The following SHROOM3 variants were observed in gnomAD, a reference collection of about 807,000 sequenced individuals.
SHROOM3 encodes protein Shroom3.
In SHROOM3, 47 loss-of-function variants were observed where a neutral mutation model predicts 138.6. The observed-to-expected ratio is 0.34, with a 90% confidence interval of 0.27 to 0.43. The LOEUF (loss-of-function observed/expected upper bound fraction) is 0.43, where lower values mean the gene tolerates loss of function less well. SHROOM3 is among the 20% of genes least tolerant of loss of function. SHROOM3 has a pLI of 1.00. For synonymous variants in SHROOM3, 1,062 were observed against 1,063.3 expected (o/e 1.00, Z 0.02); for missense variants, 2,491 against 2,596.5 (o/e 0.96, Z 0.88).
intron 2 of SHROOM3, among the ~76,000 whole-genome samples, chr4:76,642,194 A>G (rs1231167465): frequency 1.3e-5 from 2 of 152,112 alleles, no homozygotes; most frequent in East Asian, 1.9e-4. Flanking sequence ...TTTACTCCCT[A>G]TCTCTTCTAA....
intron 1 of SHROOM3, among the ~76,000 whole-genome samples, chr4:76,547,932 A>AACACACAC (rs57089323): frequency 0.056 from 8,227 of 146,000 alleles, 261 homozygotes; most frequent in Non-Finnish European, 0.063. Flanking sequence ...CCTGTCTCAA[A>AACACACAC]ACACACACAC....
chr4:76,770,494 C>A, intron 9 of SHROOM3, 132 bp from the exon 10 acceptor site: 1 of 959,616 alleles, frequency 1.0e-6, no homozygotes, highest in South Asian at 1.5e-5. Context: ...TATTGGGGGA[C>A]ACTCCATATA....
At chr4:76,568,838 GC>G (rs1360941995) in intron 2 of SHROOM3, among the ~76,000 whole-genome samples, 1 of 152,178 alleles carries the variant, frequency 6.6e-6, no homozygotes, top group Non-Finnish European at 1.5e-5. Context: ...AGGAGCACTG[GC>G]TTTAAATCTG....
rs908797838 is a variant in SHROOM3 at position 76,647,865 on chromosome 4, C to A, written c.324-62291C>A. Among the ~76,000 whole-genome samples the A allele has an allele frequency of 2.6e-5, 4 of 151,908 alleles. No homozygotes were observed. In the South Asian group the frequency reaches 6.3e-4, roughly 24 times the overall value. Reference sequence around the variant, plus strand: ...GAGCAGTGATCATGTACAAGCTGCACCCCAGCCTGGGAGACACAGCTAGAC... The same window carrying A: ...GAGCAGTGATCATGTACAAGCTGCAACCCAGCCTGGGAGACACAGCTAGAC... On this transcript the variant is annotated intron_variant, in intron 2 of 10. Coordinates refer to ENST00000296043, the MANE Select transcript of SHROOM3 (RefSeq NM_020859.4).
At chr4:76,455,391 G>T (rs1332527883) in intron 1 of SHROOM3, among the ~76,000 whole-genome samples, 1 of 151,870 alleles carries the variant, frequency 6.6e-6, no homozygotes, top group Non-Finnish European at 1.5e-5. Context: ...TATATCATTT[G>T]GGGGAAAAGA....
At chr4:76,499,383 TGATTAGC>T in intron 1 of SHROOM3, among the ~76,000 whole-genome samples, 1 of 152,230 alleles carries the variant, frequency 6.6e-6, no homozygotes, top group Non-Finnish European at 1.5e-5. Flanking sequence ...ATAGTAGTTA[TGATTAGC>T]TCGCTTTTGT....
At chr4:76,506,081 G>A (rs1732205350) in intron 1 of SHROOM3, among the ~76,000 whole-genome samples, 1 of 152,142 alleles carries the variant, frequency 6.6e-6, no homozygotes, top group Admixed American at 6.5e-5. Flanking sequence ...GCAGGGACAT[G>A]GATGAAGCTG....
chr4:76,526,327 C>T (rs1267147703), intron 1 of SHROOM3, among the ~76,000 whole-genome samples: 1 of 152,136 alleles, frequency 6.6e-6, no homozygotes, highest in Admixed American at 6.5e-5. Context: ...AGATCGTGCA[C>T]TGCACTCCAG....
chr4:76,701,774 T>C (rs1248640183), intron 2 of SHROOM3, among the ~76,000 whole-genome samples: 1 of 152,190 alleles, frequency 6.6e-6, no homozygotes, highest in Non-Finnish European at 1.5e-5. Flanking sequence ...TCAGCAGTTA[T>C]TGGAGCTCTC....
chr4:76,607,705 G>C (rs1307552919), intron 2 of SHROOM3, among the ~76,000 whole-genome samples: 1 of 151,966 alleles, frequency 6.6e-6, no homozygotes, highest in Non-Finnish European at 1.5e-5. Context: ...GGTTAATAAA[G>C]GACAGGGTTT....
In SHROOM3 at chr4:76,741,159, G is replaced by C; in HGVS notation, c.2986G>C (p.Ala996Pro). Residue 996 changes from alanine to proline, a missense_variant, in exon 5 of 11, where the codon GCC becomes CCC. Ala to Pro is a conservative substitution (Grantham distance 27). This residue lies in a region of SHROOM3 where 1,733 missense variants were observed against 1,661.6 expected (regional missense o/e 1.04). Transcript: ENST00000296043. This position sits in a 1 kb window ranked among gnomAD's most constrained non-coding sequence, Gnocchi z 6.2. Reference protein sequence around the residue: ...HSVTPAEGDLARPVPPAARRG... With the variant: ...HSVTPAEGDLPRPVPPAARRG... The stretch of plus-strand genomic sequence containing the variant: ...CGTGACCCCTGCTGAGGGCGACCTG[G>C]CCAGGCCCGTGCCCCCTGCCGCCCG... 6.3e-7 allele frequency: 1 copy of C among 1,576,856 alleles called. No homozygotes were observed. The highest frequency in any genetic ancestry group is 1.3e-5 in the African/African-American group (1 of 74,202).
chr4:76,479,144 C>T (rs1731549908), intron 1 of SHROOM3, among the ~76,000 whole-genome samples: 1 of 151,880 alleles, frequency 6.6e-6, no homozygotes, highest in African/African-American at 2.4e-5. Flanking sequence ...GACAAATTGA[C>T]AGAAGTAGGG....
chr4:76,440,444 T>C (rs749864071), intron 1 of SHROOM3, among the ~76,000 whole-genome samples: 2 of 152,228 alleles, frequency 1.3e-5, no homozygotes, highest in Non-Finnish European at 2.9e-5. Flanking sequence ...AGAGCTATTA[T>C]CTGAGTGAAG....
intron 2 of SHROOM3, among the ~76,000 whole-genome samples, chr4:76,576,078 A>G (rs1287855198): frequency 1.3e-5 from 2 of 152,176 alleles, no homozygotes; most frequent in East Asian, 3.8e-4. Flanking sequence ...ACCACTACGG[A>G]GAACAGTTCA....
At chr4:76,755,218 C>T (rs768023270) in intron 7 of SHROOM3, 26 bp downstream of exon 7, 1 of 1,608,934 alleles carries the variant, frequency 6.2e-7, no homozygotes, top group South Asian at 1.1e-5. Context: ...GGGCAGCTTT[C>T]CCCCACTAAC....
At position 76,741,062 on chromosome 4, in the gene SHROOM3, G is replaced by A. The variant is rs1721234441; in HGVS notation, c.2889G>A (p.Ser963=). 1.3e-6 allele frequency: 2 copies of A among 1,507,146 alleles called. No individual in the cohort carries two copies. Among genetic ancestry groups the A allele is most frequent in the Admixed American group, 2.4e-5 (1 of 41,604 alleles). 93.4% of individuals were successfully genotyped at this position (1,507,146 alleles called of 1,614,324 possible). The change falls in exon 5 of 11, where the codon TCG becomes TCA. Residue 963 remains serine (S), a synonymous_variant. Transcript: ENST00000296043. This position sits in a 1 kb window ranked among gnomAD's most constrained non-coding sequence, Gnocchi z 6.2. ...ASRSWRPRPS[S]AHVGLRSPEA... is the part of the protein sequence containing the mutation. Reference sequence around the variant, plus strand: ...GGTCCTGGCGGCCACGGCCTTCCTCGGCCCACGTGGGGCTGCGGAGCCCCG... The same window carrying A: ...GGTCCTGGCGGCCACGGCCTTCCTCAGCCCACGTGGGGCTGCGGAGCCCCG...
intron 1 of SHROOM3, 47 bp downstream of exon 1, chr4:76,436,267 A>G: frequency 1.9e-6 from 3 of 1,607,592 alleles, no homozygotes; most frequent in Non-Finnish European, 2.6e-6. Flanking sequence ...TGTTTTTTTC[A>G]ACTTGTCAGA....
chr4:76,672,722 G>A (rs887034302), intron 2 of SHROOM3, among the ~76,000 whole-genome samples: 3 of 152,036 alleles, frequency 2.0e-5, no homozygotes, highest in Non-Finnish European at 2.9e-5. Flanking sequence ...ACAGGCTCCC[G>A]CCACCACGCC....
intron 1 of SHROOM3, among the ~76,000 whole-genome samples, chr4:76,507,176 C>T (rs190399045): frequency 3.0e-4 from 45 of 152,222 alleles, no homozygotes; most frequent in African/African-American, 1.1e-3. Context: ...TTTTAATCAC[C>T]TTTGTTGGTC....
Sources: gnomAD v4.1 joint callset for allele counts (sites outside exome capture counted in the v4.1 genomes callset) on GRCh38, gnomAD v4.1.1 for gene constraint, gnomAD v4.1.1 regional missense constraint, Gnocchi (gnomAD v3.1) non-coding constraint, MANE v1.5 for transcripts, NCBI Gene and HGNC (gene_info 2026-07-23, HGNC 2026-07-21) for gene names.